RBM25: variants seen among roughly 807,000 people sequenced by gnomAD.
The protein encoded by RBM25 is RNA-binding protein 25.
In RBM25, 19 loss-of-function variants were observed where a neutral mutation model predicts 120.7. That is an observed-to-expected ratio of 0.16 (90% CI 0.11 to 0.23). The LOEUF is 0.23. Among genes scored for constraint, RBM25 ranks in the 10% least tolerant of loss-of-function variants. The probability of loss-of-function intolerance (pLI) is 1.00; values close to 1 mark genes in which losing one functional copy is unlikely to be tolerated. For synonymous variants in RBM25, 390 were observed against 326.7 expected, an observed-to-expected ratio of 1.19 and a Z score of -2.09; for missense variants, 605 against 1,041.5, an observed-to-expected ratio of 0.58 and a Z score of 5.77.
intron 10 of RBM25, among the ~76,000 whole-genome samples, chr14:73,104,118 C>T (rs1896130413): frequency 6.6e-6 from 1 of 152,066 alleles, no homozygotes; most frequent in Admixed American, 6.6e-5. Flanking sequence ...GCAGACATGA[C>T]TCCCTGCTGT....
chr14:73,067,995 C>T (rs1013741162), intron 1 of RBM25: 1 of 297,068 alleles, frequency 3.4e-6, no homozygotes, highest in Non-Finnish European at 6.4e-6. Context: ...ATGGAGCAGT[C>T]TGAGTTGACT....
At chr14:73,096,143 A>G (rs904669379) in intron 6 of RBM25, among the ~76,000 whole-genome samples, 3 of 151,954 alleles carry the variant, frequency 2.0e-5, no homozygotes, top group Non-Finnish European at 2.9e-5. Context: ...GCACTCGGCT[A>G]ATTTTTGTAT....
At chr14:73,103,593 T>C (rs1391674463) in intron 10 of RBM25, 115 bp downstream of exon 10, 5 of 1,411,638 alleles carry the variant, frequency 3.5e-6, no homozygotes, top group African/African-American at 1.4e-5. Context: ...TGTGAGACAT[T>C]CTCACTCTGT....
At chr14:73,076,174 A>G in intron 2 of RBM25, 145 bp from the exon 3 acceptor site, 1 of 695,640 alleles carries the variant, frequency 1.4e-6, no homozygotes. Context: ...TCCTTTTGAA[A>G]ATAAGATAGT....
At chr14:73,087,482 G>A (rs1895714406) in intron 5 of RBM25, among the ~76,000 whole-genome samples, 1 of 148,432 alleles carries the variant, frequency 6.7e-6, no homozygotes, top group Non-Finnish European at 1.5e-5. Context: ...TGCAACCTCC[G>A]CCTCCTGGGT....
intron 12 of RBM25, 59 bp downstream of exon 12, chr14:73,106,344 C>A: frequency 7.7e-7 from 1 of 1,295,154 alleles, no homozygotes; most frequent in Non-Finnish European, 1.1e-6. Context: ...TGTATCTTTA[C>A]TGCTAACTAC....
At chr14:73,111,913 A>T in intron 16 of RBM25, 111 bp downstream of exon 16, 1 of 1,329,740 alleles carries the variant, frequency 7.5e-7, no homozygotes, top group Non-Finnish European at 1.0e-6. Flanking sequence ...ACAAATAAGT[A>T]GGGATGATCA....
Position 73,107,891 on chromosome 14 carries a change from A to G in RBM25, c.1533A>G (p.Lys511=), listed in dbSNP as rs750073042. 1.9e-6 allele frequency: 3 copies of G among 1,590,100 alleles called. No individual in the cohort carries two copies. Among genetic ancestry groups the G allele is most frequent in the South Asian group, 1.1e-5 (1 of 88,308 alleles). ...ATGATGATGATAGAGATGACCCCAA[A>G]TATTACAGGTAAAGAAGGCTTGTTC... The part of the protein sequence containing the change: ...EDYDDDRDDP[K]YYRGSALQKR... Residue 511 remains lysine (K), a synonymous_variant, in exon 13 of 19, where the codon AAA becomes AAG. Transcript: ENST00000261973.
chr14:73,081,846 T>G (rs2140435759), intron 4 of RBM25, among the ~76,000 whole-genome samples: 1 of 152,350 alleles, frequency 6.6e-6, no homozygotes, highest in Admixed American at 6.5e-5. Context: ...TGTGAACTGT[T>G]TTTCCCTGGA....
At chr14:73,064,614 C>T (rs1327725162) in intron 1 of RBM25, among the ~76,000 whole-genome samples, 1 of 151,116 alleles carries the variant, frequency 6.6e-6, no homozygotes, top group Non-Finnish European at 1.5e-5. Flanking sequence ...AGTCTGGCCT[C>T]GAACTCCTGA....
chr14:73,114,157 C>A, intron 17 of RBM25, 129 bp from the exon 18 acceptor site: 1 of 635,642 alleles, frequency 1.6e-6, no homozygotes, highest in Non-Finnish European at 2.6e-6. Flanking sequence ...AAAATTAAAA[C>A]ATTTATAGAA....
chr14:73,103,978 ACACACACACACACACACTCT>A (rs1896122124), intron 10 of RBM25, among the ~76,000 whole-genome samples: 1 of 143,472 alleles, frequency 7.0e-6, no homozygotes, highest in Non-Finnish European at 1.5e-5. Flanking sequence ...ACACACACAC[ACACACACACACACACACTCT>A]CTCTCTCTCT....
chr14:73,091,623 A>G (rs898235246), intron 6 of RBM25, among the ~76,000 whole-genome samples: 1 of 152,028 alleles, frequency 6.6e-6, no homozygotes, highest in Non-Finnish European at 1.5e-5. Context: ...TGTAATCCCA[A>G]CACTTTGGGA....
intron 1 of RBM25, among the ~76,000 whole-genome samples, chr14:73,066,286 T>G (rs1489082731): frequency 6.6e-6 from 1 of 152,224 alleles, no homozygotes; most frequent in African/African-American, 2.4e-5. Context: ...TAATATGTAC[T>G]GATAACCTAC....
At chr14:73,086,946 C>T in intron 5 of RBM25, among the ~76,000 whole-genome samples, 1 of 152,226 alleles carries the variant, frequency 6.6e-6, no homozygotes, top group Non-Finnish European at 1.5e-5. Context: ...CTCAGGTGAT[C>T]TGCCCGCCTC....
chr14:73,103,388 AAGAGAG>A lies in RBM25; in HGVS notation c.1068_1073del (p.Glu356_Arg357del), dbSNP rs758222984. ...CGGGATAGGGACCGTGACCGGACAA[AAGAGAG>A]AGACCGAGATCGGGATCGAGAGAGA... On this transcript the variant is annotated inframe_deletion, in exon 10 of 19. Coordinates refer to ENST00000261973, the MANE Select transcript of RBM25 (RefSeq NM_021239.3). 1.2e-6 allele frequency: 2 copies of A among 1,612,424 alleles called. No homozygotes were observed. Among genetic ancestry groups the A allele is most frequent in the African/African-American group, 2.7e-5 (2 of 74,900 alleles).
chr14:73,110,714 C>A, intron 14 of RBM25, 117 bp from the exon 15 acceptor site: 1 of 1,249,146 alleles, frequency 8.0e-7, no homozygotes, highest in Non-Finnish European at 1.1e-6. Flanking sequence ...CAGGCATGAG[C>A]CACCATACCT....
At chr14:73,067,067 ATTTTTTTTT>A (rs375705058) in intron 1 of RBM25, among the ~76,000 whole-genome samples, 1 of 131,198 alleles carries the variant, frequency 7.6e-6, no homozygotes, top group Non-Finnish European at 1.6e-5. Flanking sequence ...GATACATATA[ATTTTTTTTT>A]TTTTTTTTTT....
At position 73,080,224 on chromosome 14, in the gene RBM25, T is replaced by TTTTTTTC. The variant is rs1344117366; in HGVS notation, c.324+2694_324+2695insCTTTTTT. ...CTATTCTTACACATCTTTTTTTTTTTTTTTTTTTTTTTTTTTTGAGATGGA... is the reference window on the plus strand; with the variant it reads ...CTATTCTTACACATCTTTTTTTTTTTTTTTTTCTTTTTTTTTTTTTTTTTGAGATGGA... On this transcript the variant is annotated intron_variant, in intron 4 of 18. Transcript: ENST00000261973. 3.4e-4 allele frequency among the ~76,000 whole-genome samples: 42 copies of TTTTTTTC among 123,822 alleles called. 3 individuals carry two copies. The highest frequency in any genetic ancestry group is 1.4e-4 in the Non-Finnish European group (8 of 57,654). 81.2% of individuals were successfully genotyped at this position (123,822 alleles called of 152,430 possible).
Sources: gnomAD v4.1 joint callset for allele counts (sites outside exome capture counted in the v4.1 genomes callset) on GRCh38, gnomAD v4.1.1 for gene constraint, MANE v1.5 for transcripts, NCBI Gene and HGNC (gene_info 2026-07-23, HGNC 2026-07-21) for gene names.